The following HTT variants were observed in gnomAD, a reference collection of about 807,000 sequenced individuals.
HTT encodes the protein huntingtin, also known as huntington disease protein.
A neutral mutation model predicts 362.3 loss-of-function variants in HTT; 104 were observed. The ratio of observed to expected loss-of-function variants is 0.29; its 90% CI spans 0.24 to 0.34. The LOEUF (loss-of-function observed/expected upper bound fraction) is 0.34. Ranked by LOEUF, HTT falls within the 10% of genes least tolerant of loss-of-function variation. HTT has a pLI of 1.00. For missense variants in HTT, 3,301 were observed against 3,928.6 expected (o/e 0.84, Z 4.27); for synonymous variants, 1,577 against 1,548.7 (o/e 1.02, Z -0.43).
intron 34 of HTT, 89 bp from the exon 35 acceptor site, chr4:3,178,209 A>C (rs1468925941): frequency 9.8e-7 from 1 of 1,016,732 alleles, no homozygotes; most frequent in Non-Finnish European, 1.5e-6. Flanking sequence ...CTTGCTGTCA[A>C]GGTTGAATCA....
At chr4:3,168,616 A>G (rs1319153377) in intron 29 of HTT, among the ~76,000 whole-genome samples, 1 of 152,072 alleles carries the variant, frequency 6.6e-6, no homozygotes, top group Non-Finnish European at 1.5e-5. Flanking sequence ...CTTTTGCATT[A>G]TATTATAGAC....
rs1282525481 is a variant in HTT, at chr4:3,223,553, G to A, written c.7618G>A (p.Asp2540Asn). The change falls in exon 55 of 67, where the codon GAC becomes AAC. Residue 2540 changes from aspartate to asparagine, a missense_variant. By Grantham distance (23) the Asp-to-Asn change is conservative. Around this residue, in one of 4 missense-constraint regions of HTT, gnomAD observed 753 missense variants for 1,021.3 expected, o/e 0.74. Coordinates refer to ENST00000355072, the MANE Select transcript of HTT (RefSeq NM_001388492.1). ...QPRNKPLKALDTRFGRKLSII... is the reference protein window; with the variant it reads ...QPRNKPLKALNTRFGRKLSII... ...CCGGAACAAGCCTCTGAAAGCTCTC[G>A]ACACCAGGTTTGCTTGAGTTCCCAC... 2.5e-6 allele frequency: 4 copies of A among 1,607,742 alleles called. No individual in the cohort carries two copies. Among genetic ancestry groups the A allele is most frequent in the Admixed American group, 1.7e-5 (1 of 58,946 alleles).
chr4:3,215,014 T>C (rs534387370), intron 50 of HTT, 96 bp from the exon 51 acceptor site: 38 of 994,248 alleles, frequency 3.8e-5, no homozygotes, highest in Admixed American at 3.1e-4. Context: ...TCTATCCCTT[T>C]CAACTTTTGT....
intron 27 of HTT, among the ~76,000 whole-genome samples, chr4:3,155,359 C>T (rs975267054): frequency 6.0e-5 from 9 of 151,256 alleles, no homozygotes; most frequent in Admixed American, 1.3e-4. Flanking sequence ...GTAGCTGGGA[C>T]TACAGGTGTG....
chr4:3,153,473 T>G (rs972831640), intron 26 of HTT, among the ~76,000 whole-genome samples: 1 of 152,338 alleles, frequency 6.6e-6, no homozygotes, highest in South Asian at 2.1e-4. Context: ...AGTCTCGATG[T>G]TCTATATGCT....
rs766507377 is a variant in HTT at position 3,209,851 on chromosome 4, TC to T, written c.6319del (p.Gln2107SerfsTer17). On this transcript the variant is annotated frameshift_variant, in exon 47 of 67. Coordinates refer to ENST00000355072, the MANE Select transcript of HTT (RefSeq NM_001388492.1). LOFTEE classifies it high-confidence loss of function. ...DKDWYVHLVK[S>X]QCWTRSDSAL... ...GGACTGGTACGTTCATCTTGTCAAA[TC>T]CCAGTGTTGGACCAGGTCAGATTCT... 6.2e-7 allele frequency: 1 copy of T among 1,614,054 alleles called. No individual in the cohort carries two copies. Among genetic ancestry groups the T allele is most frequent in the Admixed American group, 1.7e-5 (1 of 60,026 alleles).
chr4:3,178,111 C>T (rs1484736137), intron 34 of HTT, among the ~76,000 whole-genome samples, 187 bp from the exon 35 acceptor site: 1 of 152,216 alleles, frequency 6.6e-6, no homozygotes, highest in Non-Finnish European at 1.5e-5. Context: ...TTACACATGT[C>T]CCTGCTCTGC....
chr4:3,140,474 A>G (rs1716291003), intron 21 of HTT, 36 bp from the exon 22 acceptor site: 1 of 1,607,504 alleles, frequency 6.2e-7, no homozygotes, highest in South Asian at 1.1e-5. Context: ...AGTTTCATCT[A>G]CTTTCTTAAG....
intron 30 of HTT, among the ~76,000 whole-genome samples, 181 bp downstream of exon 30, chr4:3,172,578 A>G (rs1718042202): frequency 6.6e-6 from 1 of 152,164 alleles, no homozygotes; most frequent in South Asian, 2.1e-4. Flanking sequence ...TTCACTCCCC[A>G]GGAGGACGAG....
chr4:3,216,148 C>T (rs1720387025), intron 51 of HTT, among the ~76,000 whole-genome samples: 1 of 152,160 alleles, frequency 6.6e-6, no homozygotes, highest in African/African-American at 2.4e-5. Flanking sequence ...TGGAGTTTTC[C>T]TGTCTTTAGT....
Position 3,228,824 on chromosome 4 carries a change from G to A in HTT, c.7980-56G>A. Reference sequence around the variant, plus strand: ...ATTTGATTTGTTTGAGGTGCTTCTTGAAATGAGCCTCTCATCTCATGTACT... The same window carrying A: ...ATTTGATTTGTTTGAGGTGCTTCTTAAAATGAGCCTCTCATCTCATGTACT... On this transcript the variant is annotated intron_variant, in intron 58 of 66. Transcript: ENST00000355072. The surrounding 1 kb of genome is among the most constrained non-coding windows in gnomAD (Gnocchi z 4.3). 6.3e-7 allele frequency: 1 copy of A among 1,581,744 alleles called. No homozygotes were observed.
At chr4:3,207,021 A>T in intron 44 of HTT, 38 bp downstream of exon 44, 2 of 1,565,390 alleles carry the variant, frequency 1.3e-6, no homozygotes, top group Non-Finnish European at 8.7e-7. Flanking sequence ...ATTTATATTG[A>T]AAATTTAGCA....
At position 3,233,177 on chromosome 4, in the gene HTT, G is replaced by A. The variant is rs529410176; in HGVS notation, c.8280G>A (p.Ala2760=). The change falls in exon 61 of 67, where the codon GCG becomes GCA. Residue 2760 remains alanine, a synonymous_variant. Coordinates refer to ENST00000355072, the MANE Select transcript of HTT (RefSeq NM_001388492.1). Reference sequence around the variant, plus strand: ...TGTGTGCCTAGGACAAGGCCGTGGCGGAGCCTGTCAGCCGCCTGCTGGAGA... The same window carrying A: ...TGTGTGCCTAGGACAAGGCCGTGGCAGAGCCTGTCAGCCGCCTGCTGGAGA... The part of the protein sequence containing the change: ...AAVLGMDKAV[A]EPVSRLLEST... 123 of 1,588,472 alleles carry A rather than the reference G, an allele frequency of 7.7e-5. 2 individuals carry two copies. Among genetic ancestry groups the A allele is most frequent in the South Asian group, 6.0e-4 (54 of 90,224 alleles).
At position 3,211,939 on chromosome 4, in the gene HTT, T is replaced by C. The variant is rs746940073; in HGVS notation, c.6425T>C (p.Leu2142Pro). The C allele has an allele frequency of 2.5e-6, 4 of 1,613,908 alleles. No individual in the cohort carries two copies. The highest frequency in any genetic ancestry group is 1.3e-5 in the African/African-American group (1 of 74,932). The change falls in exon 48 of 67, where the codon CTA becomes CCA. Residue 2142 changes from leucine to proline, a missense_variant. Leu to Pro is a moderately conservative substitution (Grantham distance 98, BLOSUM62 -3). Coordinates refer to ENST00000355072, the MANE Select transcript of HTT (RefSeq NM_001388492.1). ...ATGCTCTGATTTCAGGAGTTCAACCTAAGCCTGCTAGCTCCATGCTTAAGC... is the reference window on the plus strand; with the variant it reads ...ATGCTCTGATTTCAGGAGTTCAACCCAAGCCTGCTAGCTCCATGCTTAAGC... Reference protein sequence around the residue: ...NAFMMNSEFNLSLLAPCLSLG... With the variant: ...NAFMMNSEFNPSLLAPCLSLG...
chr4:3,229,043 A>G (rs1286582137), intron 59 of HTT, 34 bp downstream of exon 59: 1 of 1,595,418 alleles, frequency 6.3e-7, no homozygotes, highest in East Asian at 2.3e-5. Flanking sequence ...TCACACCTGC[A>G]CGTGCCACAC....
chr4:3,151,029 ACT>A (rs1467569799), intron 26 of HTT, among the ~76,000 whole-genome samples: 2 of 150,178 alleles, frequency 1.3e-5, no homozygotes, highest in South Asian at 2.1e-4. Flanking sequence ...ACAGAGCGAG[ACT>A]CTGTCTCAAA....
rs752009224 is a variant in HTT at position 3,215,158 on chromosome 4, A to G, written c.7001A>G (p.Asn2334Ser). The G allele has an allele frequency of 1.9e-6, 3 of 1,614,072 alleles. No homozygotes were observed. The highest frequency in any genetic ancestry group is 1.1e-5 in the South Asian group (1 of 91,080). The change falls in exon 51 of 67, where the codon AAT (asparagine) becomes AGT (serine). Residue 2334 changes from asparagine (N) to serine (S), a missense_variant. This residue lies in a region of HTT where 220 missense variants were observed against 218.5 expected (regional missense o/e 1.01). Coordinates refer to ENST00000355072, the MANE Select transcript of HTT (RefSeq NM_001388492.1). Reference sequence around the variant, plus strand: ...CTTCTTAGTCCAGAAAGAAGGACAAATACCCCAAAAGCCATCAGCGAGGAG... The same window carrying G: ...CTTCTTAGTCCAGAAAGAAGGACAAGTACCCCAAAAGCCATCAGCGAGGAG... The part of the protein sequence containing the change: ...EQLLSPERRT[N>S]TPKAISEEEE...
chr4:3,166,651 A>AC (rs1474909389), intron 29 of HTT, among the ~76,000 whole-genome samples: 1 of 152,020 alleles, frequency 6.6e-6, no homozygotes, highest in African/African-American at 2.4e-5. Flanking sequence ...AGTGGTGGAC[A>AC]CCCCTCCCCC....
intron 36 of HTT, chr4:3,180,944 T>C (rs1718496103): frequency 3.8e-6 from 1 of 260,440 alleles, no homozygotes; most frequent in Non-Finnish European, 7.2e-6. Flanking sequence ...TGGCACGATC[T>C]TGGCTCATTG....
Sources: allele counts gnomAD v4.1 joint callset (sites outside exome capture counted in the v4.1 genomes callset), GRCh38; gene constraint gnomAD v4.1.1; regional missense constraint gnomAD v4.1.1; non-coding constraint Gnocchi (gnomAD v3.1); transcripts MANE v1.5; gene names NCBI Gene and HGNC (gene_info 2026-07-23, HGNC 2026-07-21).